Variants in SNX16 observed in about 807,000 individuals in gnomAD.
SNX16 encodes the protein sorting nexin 16.
A neutral mutation model predicts 36.7 loss-of-function variants in SNX16; 35 were observed. The observed-to-expected ratio is 0.95, with a 90% confidence interval of 0.73 to 1.27. SNX16 has a LOEUF of 1.27. Ranked by LOEUF, SNX16 falls within the 50% of genes most tolerant of loss-of-function variation. SNX16 has a pLI of 0.00. For synonymous variants in SNX16, 134 were observed against 132.0 expected (o/e 1.02, Z -0.10); for missense variants, 367 against 393.6 (o/e 0.93, Z 0.57).
chr8:81,823,502 T>C (rs190657088), intron 4 of SNX16, among the ~76,000 whole-genome samples: 5 of 152,244 alleles, frequency 3.3e-5, no homozygotes, highest in African/African-American at 1.2e-4. Flanking sequence ...AAGTCATTGC[T>C]AAAATACAAA....
chr8:81,810,393 A>G (rs1468497431), intron 5 of SNX16, among the ~76,000 whole-genome samples: 2 of 152,152 alleles, frequency 1.3e-5, no homozygotes, highest in East Asian at 3.9e-4. Context: ...CACTCCAAGA[A>G]ATGTGGGTTA....
chr8:81,808,278 C>A lies in SNX16; in HGVS notation c.682-5050G>T, dbSNP rs61737204. ...AGACGGTCATTCAGAAACACTATACCATGAATGGCCACAACTGTGAAGTTA... is the reference window on the plus strand; with the variant it reads ...AGACGGTCATTCAGAAACACTATACAATGAATGGCCACAACTGTGAAGTTA... On this transcript the variant is annotated intron_variant, in intron 5 of 7. Transcript: ENST00000345957. 3.5e-6 allele frequency: 4 copies of A among 1,141,288 alleles called. No individual in the cohort carries two copies. The Admixed American group carries it at 5.1e-5, about 14-fold the overall frequency. 70.7% of individuals were successfully genotyped at this position (1,141,288 alleles called of 1,614,324 possible). A position where few individuals can be genotyped will look rare whatever the true frequency, so the allele number is the denominator to read the frequency against.
chr8:81,826,709 C>G (rs1029266597), intron 3 of SNX16, among the ~76,000 whole-genome samples: 1 of 152,004 alleles, frequency 6.6e-6, no homozygotes, highest in Non-Finnish European at 1.5e-5. Context: ...AAAAATAAAA[C>G]AAAAAGAAAA....
chr8:81,805,199 A>G (rs1563429988), intron 5 of SNX16, among the ~76,000 whole-genome samples: 1 of 152,170 alleles, frequency 6.6e-6, no homozygotes, highest in East Asian at 1.9e-4. Context: ...TCTCTGAAAA[A>G]AATGCAAATA....
chr8:81,826,008 T>C (rs866329971), intron 3 of SNX16, among the ~76,000 whole-genome samples: 1 of 148,132 alleles, frequency 6.8e-6, no homozygotes, highest in East Asian at 2.0e-4. Context: ...CCATTTACAA[T>C]TTAAATGGTT....
intron 1 of SNX16, among the ~76,000 whole-genome samples, chr8:81,841,275 A>G (rs1811754279): frequency 7.0e-6 from 1 of 143,486 alleles, no homozygotes; most frequent in Admixed American, 7.3e-5. Flanking sequence ...CGGGAGGCGG[A>G]GGTTGCAGTT....
In SNX16 at chr8:81,802,418, T is replaced by G. The variant is rs746026785; in HGVS notation, c.900A>C (p.Ala300=). The part of the protein sequence containing the change: ...GEQILKVESS[A]LEVDQDVLDE... ...CCAGGACATCTTGATCAACCTCAAG[T>G]GCAGAGGACTCCACCTTTAGGATCT... Residue 300 remains alanine (A), a synonymous_variant, in exon 7 of 8, where the codon GCA becomes GCC. Transcript: ENST00000345957. 1 of 1,610,296 alleles carries G rather than the reference T, an allele frequency of 6.2e-7. No homozygotes were observed. The highest frequency in any genetic ancestry group is 1.1e-5 in the South Asian group (1 of 90,818).
intron 5 of SNX16, among the ~76,000 whole-genome samples, chr8:81,810,590 T>G (rs1810192083): frequency 6.6e-6 from 1 of 152,230 alleles, no homozygotes; most frequent in African/African-American, 2.4e-5. Context: ...AATGCATTTA[T>G]TTTAGAGAAA....
chr8:81,801,596 G>GC lies in SNX16; in HGVS notation c.939-4dup. 8.8e-7 allele frequency: 1 copy of GC among 1,133,576 alleles called. No individual in the cohort carries two copies. The highest frequency in any genetic ancestry group is 1.1e-6 in the Non-Finnish European group (1 of 880,094). The allele number at this position is 1,133,576 out of a possible 1,614,324, so 70.2% of individuals were successfully genotyped here. On this transcript the variant is annotated splice_region_variant and splice_polypyrimidine_tract_variant and intron_variant, in intron 7 of 7. Coordinates refer to ENST00000345957, the MANE Select transcript of SNX16 (RefSeq NM_152836.3). Reference sequence around the variant, plus strand: ...TTAAGCATGGTTTATTATCAGCTCTGCAAAAAAAAAAAAAAAAGGAACATA... The same window carrying GC: ...TTAAGCATGGTTTATTATCAGCTCTGCCAAAAAAAAAAAAAAAAGGAACATA...
At position 81,819,484 on chromosome 8, in the gene SNX16, CT is replaced by C. The variant is rs143697313; in HGVS notation, c.612-4091del. Among the ~76,000 whole-genome samples the C allele has an allele frequency of 2.0e-3, 311 of 152,140 alleles. 1 individual carries two copies. Among genetic ancestry groups the C allele is most frequent in the African/African-American group, 7.4e-3 (308 of 41,542 alleles). ...CTTGCTGGGCCAATGATCACTAATT[CT>C]TTAAAGTGCAGTTCAACTATCACCC... On this transcript the variant is annotated intron_variant, in intron 4 of 7. Coordinates refer to ENST00000345957, the MANE Select transcript of SNX16 (RefSeq NM_152836.3).
At chr8:81,819,002 G>A (rs893162820) in intron 4 of SNX16, among the ~76,000 whole-genome samples, 1 of 151,958 alleles carries the variant, frequency 6.6e-6, no homozygotes, top group African/African-American at 2.4e-5. Flanking sequence ...TCATATTAAT[G>A]TTTGGATACT....
chr8:81,831,693 CA>C (rs754113806), intron 2 of SNX16, among the ~76,000 whole-genome samples: 28,767 of 80,950 alleles, frequency 0.36, 2,592 homozygotes, highest in Middle Eastern at 0.49. Flanking sequence ...GAGACTCCGT[CA>C]AAAAAAAAAA....
In SNX16 at chr8:81,802,444, G is replaced by T. The variant is rs769406540; in HGVS notation, c.874C>A (p.Gln292Lys). The change falls in exon 7 of 8, where the codon CAG becomes AAG. Residue 292 changes from glutamine to lysine, a missense_variant. Transcript: ENST00000345957. ...SLDVSETEGEQILKVESSALE... is the reference protein window; with the variant it reads ...SLDVSETEGEKILKVESSALE... ...GCAGAGGACTCCACCTTTAGGATCT[G>T]TTCACCTTCTGTTTCTGACACATCC... 18 of 1,610,252 alleles carry T rather than the reference G, an allele frequency of 1.1e-5. No individual in the cohort carries two copies. Among genetic ancestry groups the T allele is most frequent in the Non-Finnish European group, 1.5e-5 (18 of 1,177,456 alleles).
chr8:81,826,911 CTCTA>C (rs1186142883), intron 3 of SNX16, among the ~76,000 whole-genome samples: 1 of 152,114 alleles, frequency 6.6e-6, no homozygotes, highest in African/African-American at 2.4e-5. Context: ...CAATGCTGAA[CTCTA>C]TCTACTCATT....
intron 2 of SNX16, among the ~76,000 whole-genome samples, chr8:81,836,938 T>TC (rs1487512019): frequency 2.0e-5 from 3 of 152,222 alleles, no homozygotes; most frequent in Non-Finnish European, 2.9e-5. Flanking sequence ...GTCATCTCAT[T>TC]CCCTACACCT....
chr8:81,821,093 G>A (rs1286858415), intron 4 of SNX16, among the ~76,000 whole-genome samples: 2 of 146,588 alleles, frequency 1.4e-5, no homozygotes, highest in Non-Finnish European at 3.0e-5. Context: ...ACAAAGGCAG[G>A]TAGGCAAACA....
intron 4 of SNX16, among the ~76,000 whole-genome samples, chr8:81,822,967 T>C (rs571075402): frequency 3.7e-5 from 2 of 53,988 alleles, no homozygotes. Context: ...TATATATATA[T>C]ATATATATAC....
At chr8:81,822,939 T>C (rs865883994) in intron 4 of SNX16, among the ~76,000 whole-genome samples, 11 of 72,822 alleles carry the variant, frequency 1.5e-4, no homozygotes, top group African/African-American at 5.1e-4. Flanking sequence ...TATATATATA[T>C]ACATATACAT....
In SNX16 at chr8:81,822,964, A is replaced by ACACATATATATATGTATATG. The variant is rs1554546248; in HGVS notation, c.611+827_611+828insCATATACATATATATATGTG. ...TACATATACATATATATATATATAT[A>ACACATATATATATGTATATG]TATATATATATACACATATGTGTGT... On this transcript the variant is annotated intron_variant, in intron 4 of 7. Coordinates refer to ENST00000345957, the MANE Select transcript of SNX16 (RefSeq NM_152836.3). 3.9e-5 allele frequency among the ~76,000 whole-genome samples: 5 copies of ACACATATATATATGTATATG among 127,252 alleles called. No homozygotes were observed. In the East Asian group the frequency reaches 1.0e-3, roughly 26 times the overall value. The allele number at this position is 127,252 out of a possible 152,430, so 83.5% of individuals were successfully genotyped here.
Sources: allele counts gnomAD v4.1 joint callset (sites outside exome capture counted in the v4.1 genomes callset), GRCh38; gene constraint gnomAD v4.1.1; transcripts MANE v1.5; gene names NCBI Gene and HGNC (gene_info 2026-07-23, HGNC 2026-07-21).